The following NCKAP5 variants were observed in gnomAD, a reference collection of about 807,000 sequenced individuals.
The protein encoded by NCKAP5 is nck-associated protein 5.
In NCKAP5, 92 loss-of-function variants were observed where a neutral mutation model predicts 167.0. The observed-to-expected ratio is 0.55, with a 90% CI of 0.47 to 0.66. The LOEUF (loss-of-function observed/expected upper bound fraction) is 0.66, where lower values mean the gene tolerates loss of function less well. NCKAP5 is among the 30% of genes least tolerant of loss of function. The pLI is 0.00. For missense variants in NCKAP5, 2,378 were observed against 2,315.0 expected (o/e 1.03, Z -0.56); for synonymous variants, 891 against 877.4 (o/e 1.02, Z -0.27).
chr2:132,904,064 G>A (rs543206910), intron 8 of NCKAP5, among the ~76,000 whole-genome samples: 16 of 152,018 alleles, frequency 1.1e-4, no homozygotes, highest in South Asian at 2.1e-4. Context: ...TGAGGCAGGC[G>A]GATCCTGAGG....
At chr2:132,770,148 A>G (rs1681899079) in intron 16 of NCKAP5, among the ~76,000 whole-genome samples, 1 of 152,082 alleles carries the variant, frequency 6.6e-6, no homozygotes, top group African/African-American at 2.4e-5. Context: ...TGAGTGCCCC[A>G]AACTTATAGA....
chr2:132,904,974 T>G (rs1558924543), intron 8 of NCKAP5, among the ~76,000 whole-genome samples: 1 of 152,220 alleles, frequency 6.6e-6, no homozygotes, highest in Non-Finnish European at 1.5e-5. Context: ...GTTTATAAAG[T>G]CAAATCAATC....
At chr2:133,614,621 C>G in the NCKAP5 span, among the ~76,000 whole-genome samples, 1 of 152,300 alleles carries the variant, frequency 6.6e-6, no homozygotes, top group Non-Finnish European at 1.5e-5. Context: ...AAGAAACGAA[C>G]AAAGCCTCCA....
rs571297936 is a variant in NCKAP5 at position 133,467,737 on chromosome 2, G to C, written c.69+49721C>G. Reference sequence around the variant, plus strand: ...TTCAACTTCTTCCTGGTTTAGTCTTGGGAGAGTGTATGTGTCCAGGAATGT... The same window carrying C: ...TTCAACTTCTTCCTGGTTTAGTCTTCGGAGAGTGTATGTGTCCAGGAATGT... On this transcript the variant is annotated intron_variant, in intron 3 of 19. Coordinates refer to ENST00000409261, the MANE Select transcript of NCKAP5 (RefSeq NM_207363.3). 1.8e-4 allele frequency among the ~76,000 whole-genome samples: 26 copies of C among 146,600 alleles called. 2 individuals are homozygous for C. In the South Asian group the frequency reaches 5.5e-3, roughly 31 times the overall value.
chr2:132,827,455 C>T (rs1053305995), intron 11 of NCKAP5, among the ~76,000 whole-genome samples: 8 of 152,090 alleles, frequency 5.3e-5, no homozygotes, highest in Non-Finnish European at 8.8e-5. Context: ...CATAGTGATG[C>T]TGTTACACAT....
At chr2:132,707,456 A>G (rs1225377891) in intron 19 of NCKAP5, among the ~76,000 whole-genome samples, 2 of 152,226 alleles carry the variant, frequency 1.3e-5, no homozygotes, top group African/African-American at 4.8e-5. Flanking sequence ...ACTCTTGGGC[A>G]AGTCCTGGGA....
At chr2:132,721,032 G>C (rs1026163926) in intron 19 of NCKAP5, among the ~76,000 whole-genome samples, 1 of 146,458 alleles carries the variant, frequency 6.8e-6, no homozygotes, top group African/African-American at 2.6e-5. Context: ...AAAAAATGCT[G>C]TGCACAGTAG....
intron 11 of NCKAP5, among the ~76,000 whole-genome samples, chr2:132,820,473 C>T (rs969953911): frequency 2.0e-5 from 3 of 151,904 alleles, no homozygotes; most frequent in African/African-American, 7.3e-5. Flanking sequence ...TGTGATCTGC[C>T]CGCCTTGGCC....
At chr2:133,571,916 C>G (rs566253162), upstream of NCKAP5, among the ~76,000 whole-genome samples, 2 of 151,598 alleles carry the variant, frequency 1.3e-5, no homozygotes, top group Non-Finnish European at 2.9e-5. Context: ...CGGAGGTTGC[C>G]GTGAGCCAAG....
Position 133,340,333 on chromosome 2 carries a change from G to C in NCKAP5, c.70-37223C>G, listed in dbSNP as rs543387891. On this transcript the variant is annotated intron_variant, in intron 3 of 19. Transcript: ENST00000409261. ...TCTTCGTCTCCTCATCTTCAAGAAT[G>C]TGCAGAGAACTAATCTCCCCTCAAA... 2.1e-4 allele frequency among the ~76,000 whole-genome samples: 32 copies of C among 152,260 alleles called. 1 individual carries two copies. In the South Asian group the frequency reaches 6.4e-3, roughly 31 times the overall value.
intron 5 of NCKAP5, among the ~76,000 whole-genome samples, chr2:133,157,257 A>G (rs753865619): frequency 1.5e-4 from 23 of 152,178 alleles, no homozygotes; most frequent in Admixed American, 6.5e-5. Context: ...ACTTTCTTCT[A>G]TCCTCCAAAC....
intron 5 of NCKAP5, among the ~76,000 whole-genome samples, chr2:133,137,388 A>C (rs1170718501): frequency 2.0e-5 from 3 of 149,702 alleles, no homozygotes. Context: ...TAACTAAAAA[A>C]AGATGCAGAG....
intron 3 of NCKAP5, among the ~76,000 whole-genome samples, chr2:133,323,177 A>C (rs1279514562): frequency 6.6e-6 from 1 of 152,208 alleles, no homozygotes; most frequent in Non-Finnish European, 1.5e-5. Flanking sequence ...TCAATTATTT[A>C]ATTGATATCA....
rs185232416 is a variant in NCKAP5 at position 133,384,743 on chromosome 2, T to G, written c.70-81633A>C. Among the ~76,000 whole-genome samples, 271 of 152,310 alleles carry G rather than the reference T, an allele frequency of 1.8e-3. 1 individual carries two copies. Among genetic ancestry groups the G allele is most frequent in the African/African-American group, 6.3e-3 (262 of 41,568 alleles). On this transcript the variant is annotated intron_variant, in intron 3 of 19. Transcript: ENST00000409261. The stretch of plus-strand genomic sequence containing the variant: ...CTCTTTTATTTCATTGAGCAATGGT[T>G]TCTCCTTGAAGAGGTCCTTCACATC...
At chr2:132,914,492 C>G (rs1694708416) in intron 8 of NCKAP5, among the ~76,000 whole-genome samples, 1 of 151,868 alleles carries the variant, frequency 6.6e-6, no homozygotes, top group Non-Finnish European at 1.5e-5. Flanking sequence ...CTGAGATAGC[C>G]CTGTTTTCTC....
chr2:132,999,754 C>A (rs1324732269), intron 6 of NCKAP5, among the ~76,000 whole-genome samples: 2 of 152,142 alleles, frequency 1.3e-5, no homozygotes, highest in African/African-American at 2.4e-5. Flanking sequence ...CAACCCCAAC[C>A]CAAAATCTAG....
the NCKAP5 span, among the ~76,000 whole-genome samples, chr2:133,636,774 C>T: frequency 1.3e-5 from 2 of 152,030 alleles, no homozygotes; most frequent in Non-Finnish European, 2.9e-5. Flanking sequence ...GGGCCTAGAA[C>T]CACTCTGGGA....
chr2:133,243,582 T>C (rs1012653740), intron 4 of NCKAP5, among the ~76,000 whole-genome samples: 3 of 152,214 alleles, frequency 2.0e-5, no homozygotes, highest in Non-Finnish European at 4.4e-5. Flanking sequence ...ACGGATGCCA[T>C]GGCTGGAAGC....
intron 8 of NCKAP5, among the ~76,000 whole-genome samples, chr2:132,897,991 G>T (rs1260622343): frequency 1.3e-5 from 2 of 152,282 alleles, no homozygotes; most frequent in East Asian, 3.9e-4. Context: ...AAAGGTTGCA[G>T]CATCAATTGA....
Sources: allele counts gnomAD v4.1 joint callset (sites outside exome capture counted in the v4.1 genomes callset), GRCh38; gene constraint gnomAD v4.1.1; transcripts MANE v1.5; gene names NCBI Gene and HGNC (gene_info 2026-07-23, HGNC 2026-07-21).